SENP7: variants seen among roughly 807,000 people sequenced by gnomAD.
SENP7 encodes sentrin-specific protease 7.
Under a neutral mutation model 141.2 loss-of-function variants are expected in SENP7, and 64 were observed. The observed-to-expected ratio is 0.45, with a 90% CI of 0.37 to 0.56. SENP7 has a LOEUF of 0.56. Among genes scored for constraint, SENP7 ranks in the 20% least tolerant of loss-of-function variants. SENP7 has a pLI of 0.00. For synonymous variants in SENP7, 382 were observed against 426.4 expected (o/e 0.90, Z 1.28); for missense variants, 1,025 against 1,212.2 (o/e 0.85, Z 2.29).
chr3:101,506,786 C>T (rs2108197652), intron 1 of SENP7, among the ~76,000 whole-genome samples: 1 of 152,344 alleles, frequency 6.6e-6, no homozygotes, highest in African/African-American at 2.4e-5. Context: ...AGCATGGTGG[C>T]TCATGCCTAT....
intron 4 of SENP7, among the ~76,000 whole-genome samples, chr3:101,441,071 G>C (rs1345153250): frequency 6.6e-6 from 1 of 152,062 alleles, no homozygotes; most frequent in Admixed American, 6.5e-5. Context: ...GGTGCCTAAA[G>C]ACAAGTGAGA....
At chr3:101,361,672 T>C in intron 11 of SENP7, 43 bp downstream of exon 11, 1 of 1,484,898 alleles carries the variant, frequency 6.7e-7, no homozygotes, top group Non-Finnish European at 8.9e-7. Flanking sequence ...AAATGCCTTG[T>C]CCAAGATCCA....
rs2061052581 is a variant in SENP7 at position 101,398,926 on chromosome 3, T to C, written c.612A>G (p.Ser204=). 1.2e-6 allele frequency: 2 copies of C among 1,612,952 alleles called. No homozygotes were observed. The highest frequency in any genetic ancestry group is 1.7e-6 in the Non-Finnish European group (2 of 1,179,192). Residue 204 remains serine, a synonymous_variant, in exon 6 of 24, where the codon TCA becomes TCG. Coordinates refer to ENST00000394095, the MANE Select transcript of SENP7 (RefSeq NM_020654.5). The part of the protein sequence containing the change: ...DNLQSEQLSS[S]SDGSLESYQN... Reference sequence around the variant, plus strand: ...GATAAGATTCTAGGCTGCCATCAGATGATGAAGAAAGTTGCTCTGATTGCA... The same window carrying C: ...GATAAGATTCTAGGCTGCCATCAGACGATGAAGAAAGTTGCTCTGATTGCA...
intron 4 of SENP7, among the ~76,000 whole-genome samples, chr3:101,448,994 T>C (rs1576385261): frequency 6.6e-6 from 1 of 151,962 alleles, no homozygotes; most frequent in South Asian, 2.1e-4. Flanking sequence ...ATTAGACGAA[T>C]GGCTAACTAG....
chr3:101,513,027 C>G lies in SENP7; in HGVS notation c.40+64G>C, dbSNP rs9681493. ...TTCGGGCCGCAACCCCAGCTGCCGC[C>G]TGCGCCTCCCGTTTCCCCCGGGTAG... On this transcript the variant is annotated intron_variant, in intron 1 of 23. Coordinates refer to ENST00000394095, the MANE Select transcript of SENP7 (RefSeq NM_020654.5). The G allele has an allele frequency of 7.9e-5, 123 of 1,564,700 alleles. No homozygotes were observed. The East Asian group carries it at 2.4e-3, about 31-fold the overall frequency.
chr3:101,496,287 G>A (rs1420461703), intron 2 of SENP7, among the ~76,000 whole-genome samples: 3 of 152,046 alleles, frequency 2.0e-5, no homozygotes, highest in East Asian at 1.9e-4. Flanking sequence ...ACAGGGTCTC[G>A]CTCTGTCACC....
At chr3:101,367,784 C>T in intron 8 of SENP7, 46 bp downstream of exon 8, 4 of 1,231,036 alleles carry the variant, frequency 3.2e-6, no homozygotes, top group Non-Finnish European at 4.5e-6. Flanking sequence ...TCGTTTTTAT[C>T]ATAGCATGAA....
chr3:101,475,725 T>C (rs2064189256), intron 3 of SENP7, among the ~76,000 whole-genome samples: 1 of 151,902 alleles, frequency 6.6e-6, no homozygotes, highest in Non-Finnish European at 1.5e-5. Flanking sequence ...AAAAAATATA[T>C]TGCAAAACTT....
chr3:101,361,905 T>C lies in SENP7; in HGVS notation c.1477-44A>G, dbSNP rs569748284. 12 of 1,530,360 alleles carry C rather than the reference T, an allele frequency of 7.8e-6. No homozygotes were observed. The East Asian group carries it at 2.6e-4, about 34-fold the overall frequency. The allele number at this position is 1,530,360 out of a possible 1,614,324, so 94.8% of individuals were successfully genotyped here. A position where few individuals can be genotyped will look rare whatever the true frequency, so the allele number is the denominator to read the frequency against. On this transcript the variant is annotated intron_variant, in intron 10 of 23. Coordinates refer to ENST00000394095, the MANE Select transcript of SENP7 (RefSeq NM_020654.5). ...TAAAATGCATATAATTCTTAAGTAC[T>C]ATATAAATGCTGAAAATGACTTTCA...
At chr3:101,338,975 A>T (rs574303681) in intron 16 of SENP7, among the ~76,000 whole-genome samples, 1 of 152,368 alleles carries the variant, frequency 6.6e-6, no homozygotes, top group South Asian at 2.1e-4. Flanking sequence ...ATTACCAGAC[A>T]TGCAAAAGTG....
At position 101,347,858 on chromosome 3, in the gene SENP7, C is replaced by A. The variant is rs1439323371; in HGVS notation, c.1837+14G>T. The A allele has an allele frequency of 7.6e-7, 1 of 1,315,444 alleles. No homozygotes were observed. Among genetic ancestry groups the A allele is most frequent in the South Asian group, 2.0e-5 (1 of 49,184 alleles). The allele number at this position is 1,315,444 out of a possible 1,614,324, so 81.5% of individuals were successfully genotyped here. ...TCAAGTTATCCTGAAATTTAGAAATCATTTTATACTCACATTGCTGGCTTA... is the reference window on the plus strand; with the variant it reads ...TCAAGTTATCCTGAAATTTAGAAATAATTTTATACTCACATTGCTGGCTTA... On this transcript the variant is annotated intron_variant, in intron 13 of 23. Transcript: ENST00000394095.
chr3:101,508,825 A>G (rs768123292), intron 1 of SENP7, among the ~76,000 whole-genome samples: 2 of 152,170 alleles, frequency 1.3e-5, no homozygotes, highest in Non-Finnish European at 2.9e-5. Flanking sequence ...ACAAAGTACT[A>G]ACAGCTCCAA....
At chr3:101,494,110 C>T (rs3846090) in intron 2 of SENP7, 142 bp from the exon 3 acceptor site, 171,529 of 417,472 alleles carry the variant, frequency 0.41, 36,767 homozygotes, top group East Asian at 0.55. Flanking sequence ...AATTTATATA[C>T]AATTAAATAT....
intron 3 of SENP7, among the ~76,000 whole-genome samples, chr3:101,463,400 T>TACATATATATATATACAC (rs1553744825): frequency 1.3e-5 from 1 of 77,988 alleles, no homozygotes; most frequent in Non-Finnish European, 2.4e-5. Flanking sequence ...TATATATACA[T>TACATATATATATATACAC]ATATATATAT....
At chr3:101,471,309 G>C (rs1296831768) in intron 3 of SENP7, among the ~76,000 whole-genome samples, 1 of 152,114 alleles carries the variant, frequency 6.6e-6, no homozygotes, top group Non-Finnish European at 1.5e-5. Flanking sequence ...CAGAGATATA[G>C]ACCAATGGAA....
rs185021949 is a variant in SENP7, at chr3:101,352,486, C to T, written c.1624-835G>A. 2.0e-4 allele frequency among the ~76,000 whole-genome samples: 30 copies of T among 152,112 alleles called. 1 individual carries two copies. In the East Asian group the frequency reaches 4.6e-3, roughly 23 times the overall value. On this transcript the variant is annotated intron_variant, in intron 11 of 23. Coordinates refer to ENST00000394095, the MANE Select transcript of SENP7 (RefSeq NM_020654.5). The stretch of plus-strand genomic sequence containing the variant: ...TTCTTGCTCTTTCTGCTCCTTCTGT[C>T]CCAGGACACTTATTTTCTCTAGGTA...
chr3:101,391,083 C>G (rs1381404776), intron 6 of SENP7, among the ~76,000 whole-genome samples: 1 of 151,642 alleles, frequency 6.6e-6, no homozygotes, highest in African/African-American at 2.4e-5. Context: ...CATATGGGAT[C>G]CAGCAAAAGC....
chr3:101,499,645 T>C (rs1576537180), intron 2 of SENP7, among the ~76,000 whole-genome samples: 1 of 150,396 alleles, frequency 6.6e-6, no homozygotes, highest in Non-Finnish European at 1.5e-5. Context: ...ACACCATTCT[T>C]CTACCTCAGC....
At chr3:101,351,548 C>T (rs890947969) in intron 12 of SENP7, 70 bp downstream of exon 12, 4 of 1,160,974 alleles carry the variant, frequency 3.4e-6, no homozygotes, top group African/African-American at 3.3e-5. Flanking sequence ...CATTATTAAA[C>T]TTAGTTTTAC....
Sources: allele counts gnomAD v4.1 joint callset (sites outside exome capture counted in the v4.1 genomes callset), GRCh38; gene constraint gnomAD v4.1.1; transcripts MANE v1.5; gene names NCBI Gene and HGNC (gene_info 2026-07-23, HGNC 2026-07-21).